Variants in CERS1 observed in about 807,000 individuals in gnomAD.
CERS1 encodes the protein Embryonic growth/differentiation factor 1.
Under a neutral mutation model 35.7 loss-of-function variants are expected in CERS1, and 16 were observed. The observed-to-expected ratio is 0.45, with a 90% CI of 0.30 to 0.68. CERS1 has a LOEUF of 0.68. Among genes scored for constraint, CERS1 ranks in the 30% least tolerant of loss-of-function variants. CERS1 has a pLI of 0.08. For synonymous variants in CERS1, 243 were observed against 201.6 expected, an observed-to-expected ratio of 1.21 and a Z score of -1.74; for missense variants, 454 against 453.9, an observed-to-expected ratio of 1.00 and a Z score of 0.00.
intron 2 of CERS1, among the ~76,000 whole-genome samples, chr19:18,886,377 G>A (rs58485418): frequency 0.45 from 68,042 of 151,766 alleles, 15,548 homozygotes; most frequent in South Asian, 0.56. Flanking sequence ...GTGAAACCCC[G>A]TCTCTACTAA....
In CERS1 at chr19:18,869,509, G is replaced by A. The variant is rs529560442; in HGVS notation, c.*595-119C>T. On this transcript the variant is annotated intron_variant, in intron 7 of 7. Transcript: ENST00000623882. ...GCTCGGGGCGCACCGTCTGTGGGAAGGGTGTGAAGCGGCGGGGTGGGCTGA... is the reference window on the plus strand; with the variant it reads ...GCTCGGGGCGCACCGTCTGTGGGAAAGGTGTGAAGCGGCGGGGTGGGCTGA... The A allele has an allele frequency of 8.1e-6, 11 of 1,362,716 alleles. No homozygotes were observed. The East Asian group carries it at 3.1e-4, about 39-fold the overall frequency. 84.4% of individuals were successfully genotyped at this position (1,362,716 alleles called of 1,614,324 possible).
intron 3 of CERS1, among the ~76,000 whole-genome samples, chr19:18,882,655 A>G (rs2146027029): frequency 6.6e-6 from 1 of 151,200 alleles, no homozygotes; most frequent in South Asian, 2.1e-4. Context: ...AAGTAAGTAA[A>G]TAAATAAGAT....
At chr19:18,887,617 T>C (rs1420691207) in intron 2 of CERS1, among the ~76,000 whole-genome samples, 5 of 152,008 alleles carry the variant, frequency 3.3e-5, no homozygotes, top group Admixed American at 3.3e-4. Flanking sequence ...TGGTGGCGCA[T>C]GCCTGTAATC....
In CERS1 at chr19:18,884,709, C is replaced by CTTTTTT. The variant is rs36074874; in HGVS notation, c.410-448_410-443dup. 3.2e-3 allele frequency among the ~76,000 whole-genome samples: 220 copies of CTTTTTT among 69,126 alleles called. 25 individuals carry two copies. The highest frequency in any genetic ancestry group is 0.011 in the African/African-American group (177 of 16,342). 45.3% of individuals were successfully genotyped at this position (69,126 alleles called of 152,430 possible). A position where few individuals can be genotyped will look rare whatever the true frequency, so the allele number is the denominator to read the frequency against. On this transcript the variant is annotated intron_variant, in intron 2 of 7. Coordinates refer to ENST00000623882, the MANE Select transcript of CERS1 (RefSeq NM_021267.5). ...GGCGTGAGCCACCCCGCCCAGCCGT[C>CTTTTTT]TTTTTTTTTTTTTTTTTTTTTTTGA...
chr19:18,896,459 A>T (rs549699565), upstream of CERS1: 193 of 144,856 alleles, frequency 1.3e-3, 1 homozygote, highest in Middle Eastern at 0.01. The surrounding 1 kb of genome is among the most constrained non-coding windows in gnomAD (Gnocchi z 5.9). Flanking sequence ...GGCACGGGGG[A>T]CACTAGCAGG....
intron 2 of CERS1, among the ~76,000 whole-genome samples, chr19:18,885,684 TA>T (rs2056338059): frequency 6.6e-6 from 1 of 150,444 alleles, no homozygotes; most frequent in South Asian, 2.1e-4. Context: ...CATGCCTGGC[TA>T]ATTTTTTTTT....
At position 18,895,817 on chromosome 19, in the gene CERS1, C is replaced by T. The variant is rs1359495108; in HGVS notation, c.249+7G>A. On this transcript the variant is annotated splice_region_variant and intron_variant, in intron 1 of 7. Transcript: ENST00000623882. This position sits in a 1 kb window ranked among gnomAD's most constrained non-coding sequence, Gnocchi z 6.4. The stretch of plus-strand genomic sequence containing the variant: ...GTCCCCTCGTCCCGGCCCCCGGCCA[C>T]ACTGACCCGAAAGAGGCGCGCAGTG... 9.5e-6 allele frequency: 12 copies of T among 1,259,440 alleles called. No individual in the cohort carries two copies. Among genetic ancestry groups the T allele is most frequent in the Non-Finnish European group, 1.2e-5 (12 of 998,666 alleles). 78.0% of individuals were successfully genotyped at this position (1,259,440 alleles called of 1,614,324 possible).
intron 2 of CERS1, among the ~76,000 whole-genome samples, chr19:18,885,184 T>A (rs569639295): frequency 6.6e-6 from 1 of 152,176 alleles, no homozygotes; most frequent in Non-Finnish European, 1.5e-5. Flanking sequence ...CACATTATTA[T>A]CATTATATAC....
intron 2 of CERS1, among the ~76,000 whole-genome samples, chr19:18,892,637 C>A (rs1050120025): frequency 6.6e-6 from 1 of 151,960 alleles, no homozygotes; most frequent in African/African-American, 2.4e-5. Flanking sequence ...CAACCACATC[C>A]AGAACAGAAC....
intron 2 of CERS1, among the ~76,000 whole-genome samples, chr19:18,891,592 C>T (rs2056491957): frequency 6.6e-6 from 1 of 152,020 alleles, no homozygotes; most frequent in Non-Finnish European, 1.5e-5. Flanking sequence ...ACACCCCCAA[C>T]CCCCAGGCAG....
At chr19:18,894,192 G>T (rs965017498) in intron 1 of CERS1, among the ~76,000 whole-genome samples, 1 of 136,972 alleles carries the variant, frequency 7.3e-6, no homozygotes, top group Non-Finnish European at 1.5e-5. Context: ...ACCCTGAGGG[G>T]ACATTGGGAG....
chr19:18,883,068 C>T (rs982094676), intron 3 of CERS1: 1 of 152,224 alleles, frequency 6.6e-6, no homozygotes, highest in African/African-American at 2.4e-5. Flanking sequence ...AAGCAATCCT[C>T]CTGACTCAGC....
chr19:18,892,850 G>A (rs2146071252), intron 2 of CERS1, among the ~76,000 whole-genome samples: 1 of 152,186 alleles, frequency 6.6e-6, no homozygotes, highest in South Asian at 2.1e-4. Context: ...TTTGTCTTGG[G>A]GCTGGCTTAA....
rs2056603258 is a variant in CERS1, at chr19:18,895,479, A to AT, written c.249+344_249+345insA. 2.0e-5 allele frequency among the ~76,000 whole-genome samples: 3 copies of AT among 151,664 alleles called. No homozygotes were observed. The highest frequency in any genetic ancestry group is 6.6e-5 in the Admixed American group (1 of 15,264). On this transcript the variant is annotated intron_variant, in intron 1 of 7. Transcript: ENST00000623882. This position sits in a 1 kb window ranked among gnomAD's most constrained non-coding sequence, Gnocchi z 6.4. ...CCACCGCGCGGGGCCCCCTGGTCCC[A>AT]AACTGACCGGAAAGGGCCGTGCCTC...
chr19:18,895,978 G>T lies in CERS1; in HGVS notation c.95C>A (p.Ala32Glu). The change falls in exon 1 of 8, where the codon GCG becomes GAG. Residue 32 changes from alanine to glutamate, a missense_variant. Ala to Glu is a moderately radical substitution (Grantham distance 107). Coordinates refer to ENST00000623882, the MANE Select transcript of CERS1 (RefSeq NM_021267.5). The surrounding 1 kb of genome is among the most constrained non-coding windows in gnomAD (Gnocchi z 6.4). ...GCAGTCCGTGCAGCCCCGCGCCGCC[G>T]CCAGCGCGCTGCCCCAGCCGCGCTG... ...LVQRGWGSAL[A>E]AARGCTDCGW... 1.9e-6 allele frequency: 2 copies of T among 1,052,032 alleles called. No homozygotes were observed. Among genetic ancestry groups the T allele is most frequent in the Non-Finnish European group, 2.3e-6 (2 of 873,302 alleles). 65.2% of individuals were successfully genotyped at this position (1,052,032 alleles called of 1,614,324 possible).
intron 2 of CERS1, among the ~76,000 whole-genome samples, chr19:18,892,003 C>G (rs2056503119): frequency 1.3e-5 from 2 of 151,856 alleles, no homozygotes; most frequent in South Asian, 4.2e-4. Context: ...AAGTGATTCT[C>G]CTGACTCAGC....
intron 1 of CERS1, 94 bp from the exon 2 acceptor site, chr19:18,893,669 G>A: frequency 7.6e-7 from 1 of 1,320,314 alleles, no homozygotes; most frequent in Non-Finnish European, 1.0e-6. Context: ...GACTCCCCAG[G>A]CCGGGCAGCA....
At chr19:18,891,761 A>G (rs565918677) in intron 2 of CERS1, among the ~76,000 whole-genome samples, 1 of 150,704 alleles carries the variant, frequency 6.6e-6, no homozygotes, top group Non-Finnish European at 1.5e-5. Flanking sequence ...GTAGAGATGG[A>G]GGTCTTACCA....
chr19:18,884,034 C>T lies in CERS1; in HGVS notation c.590+53G>A, dbSNP rs897183415. On this transcript the variant is annotated intron_variant, in intron 3 of 7. Coordinates refer to ENST00000623882, the MANE Select transcript of CERS1 (RefSeq NM_021267.5). The stretch of plus-strand genomic sequence containing the variant: ...TGTGCCCCGCCGCAACATCAGCCTC[C>T]GCACTCTGTGTGGGCTGTGCCTCGG... The T allele has an allele frequency of 2.6e-5, 41 of 1,566,782 alleles. No homozygotes were observed. In the Admixed American group the frequency reaches 3.4e-4, roughly 13 times the overall value.
Sources: allele counts gnomAD v4.1 joint callset (sites outside exome capture counted in the v4.1 genomes callset), GRCh38; gene constraint gnomAD v4.1.1; non-coding constraint Gnocchi (gnomAD v3.1); transcripts MANE v1.5; gene names NCBI Gene and HGNC (gene_info 2026-07-23, HGNC 2026-07-21).